The following BDKRB2 variants were observed in gnomAD, a reference collection of about 807,000 sequenced individuals.
BDKRB2 encodes bradykinin receptor B2, also known as B2 bradykinin receptor.
In BDKRB2, 6 loss-of-function variants were observed where a neutral mutation model predicts 4.0. That is an observed-to-expected ratio of 1.49 (90% CI 0.81 to 2.93). The LOEUF is 2.93. BDKRB2 is among the 30% of genes most tolerant of loss of function. The probability of loss-of-function intolerance (pLI) is 0.00; values close to 1 mark genes in which losing one functional copy is unlikely to be tolerated. For missense variants in BDKRB2, 478 were observed against 520.1 expected (o/e 0.92, Z 0.79); for synonymous variants, 225 against 215.3 (o/e 1.05, Z -0.40).
chr14:96,205,687 C>T (rs1004636043), intron 1 of BDKRB2, among the ~76,000 whole-genome samples: 5 of 152,190 alleles, frequency 3.3e-5, no homozygotes, highest in Admixed American at 6.5e-5. Context: ...CTGTGGGTGA[C>T]GTTTTTGGGC....
intron 2 of BDKRB2, chr14:96,237,996 A>G: frequency 8.5e-7 from 1 of 1,182,774 alleles, no homozygotes; most frequent in South Asian, 1.6e-5. Flanking sequence ...CTGTAGCTAC[A>G]GAAATGGGGT....
At chr14:96,222,237 G>A (rs531578960) in intron 1 of BDKRB2, among the ~76,000 whole-genome samples, 11 of 152,152 alleles carry the variant, frequency 7.2e-5, no homozygotes, top group African/African-American at 1.2e-4. Flanking sequence ...CTGGAGCTTC[G>A]GTGCTGTCTC....
chr14:96,229,379 C>T lies in BDKRB2; in HGVS notation c.-39-7690C>T, dbSNP rs551028216. 8.5e-5 allele frequency among the ~76,000 whole-genome samples: 13 copies of T among 152,216 alleles called. No individual in the cohort carries two copies. In the South Asian group the frequency reaches 2.1e-3, roughly 24 times the overall value. On this transcript the variant is annotated intron_variant, in intron 1 of 2. Coordinates refer to ENST00000554311, the MANE Select transcript of BDKRB2 (RefSeq NM_001379692.1). ...AGGGATGACTAGGCAAGTCAGAAGT[C>T]GCTTGGGAATGCCAGAACACTCAGC...
intron 1 of BDKRB2, among the ~76,000 whole-genome samples, chr14:96,208,479 CT>C (rs1890237892): frequency 6.6e-6 from 1 of 152,188 alleles, no homozygotes; most frequent in Non-Finnish European, 1.5e-5. Context: ...GTTTCTTCTC[CT>C]GTACAATGGG....
At chr14:96,238,053 A>G in intron 2 of BDKRB2, 2 of 1,105,380 alleles carry the variant, frequency 1.8e-6, no homozygotes, top group South Asian at 2.3e-5. Flanking sequence ...TTACCTTCAG[A>G]GGACTCTGGA....
At chr14:96,208,496 T>A (rs1278457450) in intron 1 of BDKRB2, among the ~76,000 whole-genome samples, 1 of 152,142 alleles carries the variant, frequency 6.6e-6, no homozygotes, top group Non-Finnish European at 1.5e-5. Context: ...ATGGGGAGCA[T>A]CATTCCTATT....
At chr14:96,207,378 A>G (rs984405061) in intron 1 of BDKRB2, among the ~76,000 whole-genome samples, 7 of 152,204 alleles carry the variant, frequency 4.6e-5, no homozygotes, top group African/African-American at 1.7e-4. Context: ...GATTTCAACT[A>G]TATGTGACAT....
intron 2 of BDKRB2, chr14:96,239,987 T>G: frequency 1.0e-6 from 1 of 994,040 alleles, no homozygotes. Flanking sequence ...TTTTAATAAA[T>G]TAACTCACCC....
intron 2 of BDKRB2, chr14:96,239,410 C>T (rs76159059): frequency 0.032 from 31,346 of 985,296 alleles, 591 homozygotes; most frequent in East Asian, 0.13. Flanking sequence ...CCAAGCCCCA[C>T]GCCTCTGCTG....
chr14:96,240,484 G>T lies in BDKRB2; in HGVS notation c.156G>T (p.Trp52Cys), dbSNP rs1347730800. 6.5e-7 allele frequency: 1 copy of T among 1,533,716 alleles called. No individual in the cohort carries two copies. Among genetic ancestry groups the T allele is most frequent in the Middle Eastern group, 1.8e-4 (1 of 5,686 alleles). Residue 52 changes from tryptophan (W) to cysteine (C), a missense_variant, in exon 3 of 3, where the codon TGG becomes TGT. Coordinates refer to ENST00000554311, the MANE Select transcript of BDKRB2 (RefSeq NM_001379692.1). ...AGAGCAAATGCCCCCAAGTGGAGTG[G>T]CTGGGCTGGCTCAACACCATCCAGC... ...FAQSKCPQVE[W>C]LGWLNTIQPP...
Position 96,241,392 on chromosome 14 carries a change from G to C in BDKRB2, c.1064G>C (p.Gly355Ala), listed in dbSNP as rs1419536397. Reference protein sequence around the residue: ...EVYQGVCQKGGCRSEPIQMEN... With the variant: ...EVYQGVCQKGACRSEPIQMEN... ...TACCAGGGAGTGTGCCAGAAAGGGG[G>C]CTGCAGGTCAGAACCCATTCAGATG... The change falls in exon 3 of 3, where the codon GGC becomes GCC. Residue 355 changes from glycine (G) to alanine (A), a missense_variant. By Grantham distance (60) the Gly-to-Ala change is moderately conservative. Transcript: ENST00000554311. 6.2e-7 allele frequency: 1 copy of C among 1,612,660 alleles called. No individual in the cohort carries two copies. Among genetic ancestry groups the C allele is most frequent in the Admixed American group, 1.7e-5 (1 of 60,012 alleles).
chr14:96,227,441 C>A (rs1452615487), intron 1 of BDKRB2, among the ~76,000 whole-genome samples: 1 of 152,172 alleles, frequency 6.6e-6, no homozygotes, highest in Non-Finnish European at 1.5e-5. Flanking sequence ...GGGCCTCAGT[C>A]ATGAAACCAC....
At chr14:96,236,783 C>T (rs1040582428) in intron 1 of BDKRB2, among the ~76,000 whole-genome samples, 6 of 152,206 alleles carry the variant, frequency 3.9e-5, no homozygotes, top group African/African-American at 1.4e-4. Flanking sequence ...CCCTCACAGG[C>T]GCGTTTGGGA....
chr14:96,238,137 C>T (rs1436915515), intron 2 of BDKRB2: 4 of 968,648 alleles, frequency 4.1e-6, no homozygotes, highest in Non-Finnish European at 4.9e-6. Context: ...TCCAAGATGT[C>T]TGGGGCCTTG....
intron 1 of BDKRB2, among the ~76,000 whole-genome samples, chr14:96,214,077 G>A (rs2139770264): frequency 6.6e-6 from 1 of 152,274 alleles, no homozygotes; most frequent in Middle Eastern, 3.4e-3. Context: ...GCCTCCCCAT[G>A]GTGGGCGGTG....
chr14:96,223,339 A>C (rs1890620354), intron 1 of BDKRB2: 9 of 1,013,586 alleles, frequency 8.9e-6, no homozygotes, highest in Non-Finnish European at 1.4e-5. Context: ...CAAGAAGCCA[A>C]AGAAATGAAG....
intron 2 of BDKRB2, chr14:96,237,911 A>G: frequency 7.9e-7 from 1 of 1,258,758 alleles, no homozygotes; most frequent in Non-Finnish European, 1.0e-6. Flanking sequence ...CTGGTGCTAT[A>G]CTTTGGTCTC....
At chr14:96,205,375 C>G (rs915748728) in intron 1 of BDKRB2, among the ~76,000 whole-genome samples, 1 of 151,234 alleles carries the variant, frequency 6.6e-6, no homozygotes, top group Admixed American at 6.6e-5. Flanking sequence ...CTCCTTGGCC[C>G]TGTGTGACCC....
Position 96,240,581 on chromosome 14 carries a change from C to T in BDKRB2, c.253C>T (p.His85Tyr), listed in dbSNP as rs1427735913. The change falls in exon 3 of 3, where the codon CAC becomes TAC. Residue 85 changes from histidine to tyrosine, a missense_variant. His to Tyr is a moderately conservative substitution (Grantham distance 83, BLOSUM62 2). Coordinates refer to ENST00000554311, the MANE Select transcript of BDKRB2 (RefSeq NM_001379692.1). ...CTTTGTCCTCAGCGTCTTCTGCCTG[C>T]ACAAGAGCAGCTGCACGGTGGCAGA... is the stretch of plus-strand genomic sequence containing the variant. Reference protein sequence around the residue: ...NIFVLSVFCLHKSSCTVAEIY... With the variant: ...NIFVLSVFCLYKSSCTVAEIY... 1.3e-6 allele frequency: 2 copies of T among 1,561,470 alleles called. No individual in the cohort carries two copies. The highest frequency in any genetic ancestry group is 1.7e-6 in the Non-Finnish European group (2 of 1,156,026).
Sources: gnomAD v4.1 joint callset for allele counts (sites outside exome capture counted in the v4.1 genomes callset) on GRCh38, gnomAD v4.1.1 for gene constraint, MANE v1.5 for transcripts, NCBI Gene and HGNC (gene_info 2026-07-23, HGNC 2026-07-21) for gene names.